The following EXOC4 variants were observed in gnomAD, a reference collection of about 807,000 sequenced individuals.
EXOC4 encodes the protein SEC8-like 1.
A neutral mutation model predicts 107.2 loss-of-function variants in EXOC4; 71 were observed. The ratio of observed to expected loss-of-function variants is 0.66; its 90% confidence interval spans 0.55 to 0.81. The LOEUF (loss-of-function observed/expected upper bound fraction) is 0.81. Among genes scored for constraint, EXOC4 ranks in the 30% least tolerant of loss-of-function variants. The probability of loss-of-function intolerance (pLI) is 0.00; values close to 1 mark genes in which losing one functional copy is unlikely to be tolerated. For missense variants in EXOC4, 1,108 were observed against 1,189.6 expected (o/e 0.93, Z 1.01); for synonymous variants, 456 against 441.2 (o/e 1.03, Z -0.42).
chr7:133,773,301 C>T (rs1796281611), intron 10 of EXOC4, among the ~76,000 whole-genome samples: 1 of 151,956 alleles, frequency 6.6e-6, no homozygotes, highest in Admixed American at 6.6e-5. Flanking sequence ...CCCAAACATG[C>T]TTCCCAAACA....
rs371478532 is a variant in EXOC4, at chr7:133,399,295, CCTCT to C, written c.1182+24296_1182+24299del. 2.2e-3 allele frequency among the ~76,000 whole-genome samples: 342 copies of C among 152,268 alleles called. 3 individuals carry two copies. Among genetic ancestry groups the C allele is most frequent in the African/African-American group, 7.8e-3 (326 of 41,544 alleles). ...TATATATCTTTGATTTTCTTCTTCT[CCTCT>C]CTGTTTATTTTGTATTTTTTATTCA... On this transcript the variant is annotated intron_variant, in intron 7 of 17. Coordinates refer to ENST00000253861, the MANE Select transcript of EXOC4 (RefSeq NM_021807.4).
At chr7:133,487,822 A>G (rs1335845171) in intron 9 of EXOC4, among the ~76,000 whole-genome samples, 3 of 152,192 alleles carry the variant, frequency 2.0e-5, no homozygotes, top group African/African-American at 4.8e-5. Flanking sequence ...CTTATATCTC[A>G]TATTTTCAAT....
chr7:133,829,258 C>A (rs532340566), intron 11 of EXOC4, among the ~76,000 whole-genome samples: 4 of 152,286 alleles, frequency 2.6e-5, no homozygotes, highest in Non-Finnish European at 5.9e-5. Context: ...AGGTCTCAAA[C>A]TGAACACACC....
intron 9 of EXOC4, among the ~76,000 whole-genome samples, chr7:133,541,387 ACTTGGGAATAACGATGCATGATTTCTC>A (rs1250737793): frequency 6.6e-6 from 1 of 152,194 alleles, no homozygotes; most frequent in East Asian, 1.9e-4. Context: ...GGCTGTAAAC[ACTTGGGAATAACGATGCATGATTTCTC>A]CTTAAATAGT....
Position 133,512,128 on chromosome 7 carries a change from G to A in EXOC4, c.1417+31990G>A, listed in dbSNP as rs147647461. Among the ~76,000 whole-genome samples the A allele has an allele frequency of 6.0e-3, 915 of 152,272 alleles. 9 individuals are homozygous for A. Among genetic ancestry groups the A allele is most frequent in the African/African-American group, 0.02 (847 of 41,566 alleles). The stretch of plus-strand genomic sequence containing the variant: ...TTGTGATAACTGCTGTGAAAGGAAC[G>A]TATAGAGTGCTTTGAAAATGCCCTG... On this transcript the variant is annotated intron_variant, in intron 9 of 17. Transcript: ENST00000253861.
chr7:133,459,094 G>A (rs1421328355), intron 7 of EXOC4, among the ~76,000 whole-genome samples: 2 of 152,182 alleles, frequency 1.3e-5, no homozygotes, highest in Admixed American at 6.5e-5. Context: ...TCTGTAGCAG[G>A]ATGTCTTAAG....
At chr7:133,842,374 T>C (rs1798040497) in intron 11 of EXOC4, among the ~76,000 whole-genome samples, 1 of 152,208 alleles carries the variant, frequency 6.6e-6, no homozygotes, top group African/African-American at 2.4e-5. Flanking sequence ...TCACTGTGAT[T>C]TTGATTTGCT....
At chr7:133,509,826 T>G (rs1037228407) in intron 9 of EXOC4, among the ~76,000 whole-genome samples, 3 of 152,208 alleles carry the variant, frequency 2.0e-5, no homozygotes, top group Admixed American at 6.5e-5. Flanking sequence ...ACCTACGAGG[T>G]GTTTTCACAG....
chr7:133,788,484 G>C (rs899660804), intron 10 of EXOC4, among the ~76,000 whole-genome samples: 1 of 151,714 alleles, frequency 6.6e-6, no homozygotes, highest in Admixed American at 6.6e-5. Context: ...TTTATGTCAT[G>C]CTCAAAACTT....
At chr7:133,895,425 G>C (rs1048231455) in intron 11 of EXOC4, among the ~76,000 whole-genome samples, 174 bp from the exon 12 acceptor site, 2 of 152,190 alleles carry the variant, frequency 1.3e-5, no homozygotes, top group Non-Finnish European at 2.9e-5. Context: ...GACCAGAGCT[G>C]TTCCTATTCG....
chr7:133,809,521 C>T (rs1459441401), intron 10 of EXOC4, among the ~76,000 whole-genome samples: 2 of 152,132 alleles, frequency 1.3e-5, no homozygotes, highest in African/African-American at 4.8e-5. Flanking sequence ...GATGGTACAT[C>T]TCTGCAGAGT....
At chr7:133,847,177 A>G (rs372939879) in intron 11 of EXOC4, among the ~76,000 whole-genome samples, 4 of 152,086 alleles carry the variant, frequency 2.6e-5, no homozygotes, top group Non-Finnish European at 4.4e-5. Flanking sequence ...TCTTCTGGCT[A>G]TTTTGCCATA....
At chr7:133,851,015 C>T (rs988646503) in intron 11 of EXOC4, among the ~76,000 whole-genome samples, 1 of 152,184 alleles carries the variant, frequency 6.6e-6, no homozygotes, top group Non-Finnish European at 1.5e-5. Flanking sequence ...TTACTTTCCC[C>T]TGGAAAATGT....
chr7:133,970,364 C>T (rs1381734195), intron 14 of EXOC4, among the ~76,000 whole-genome samples: 5 of 151,768 alleles, frequency 3.3e-5, no homozygotes, highest in South Asian at 2.1e-4. Context: ...GGTTCTGTCT[C>T]GCTGGCATTC....
intron 10 of EXOC4, among the ~76,000 whole-genome samples, chr7:133,705,942 C>G (rs757177159): frequency 3.3e-5 from 5 of 152,190 alleles, no homozygotes; most frequent in Non-Finnish European, 7.4e-5. Flanking sequence ...GAAAGCAAAA[C>G]TGTAGATAAG....
At chr7:133,792,369 GT>G (rs1257570735) in intron 10 of EXOC4, among the ~76,000 whole-genome samples, 1 of 151,992 alleles carries the variant, frequency 6.6e-6, no homozygotes, top group African/African-American at 2.4e-5. Context: ...CCTGAGCAAT[GT>G]AGTGAGACCT....
At chr7:133,547,482 C>G (rs1435224386) in intron 9 of EXOC4, among the ~76,000 whole-genome samples, 1 of 152,144 alleles carries the variant, frequency 6.6e-6, no homozygotes, top group Admixed American at 6.5e-5. Flanking sequence ...TGGATTGACT[C>G]TTCCTCTTAT....
chr7:133,953,769 G>C (rs907605134), intron 14 of EXOC4, among the ~76,000 whole-genome samples: 1 of 152,194 alleles, frequency 6.6e-6, no homozygotes, highest in African/African-American at 2.4e-5. Flanking sequence ...TAGATCAGCT[G>C]TTTACAATGT....
At chr7:133,318,874 T>C (rs1795047697) in intron 5 of EXOC4, among the ~76,000 whole-genome samples, 1 of 152,242 alleles carries the variant, frequency 6.6e-6, no homozygotes, top group African/African-American at 2.4e-5. Flanking sequence ...ATTATGATAC[T>C]TTACAATAGT....
Sources: allele counts gnomAD v4.1 joint callset (sites outside exome capture counted in the v4.1 genomes callset), GRCh38; gene constraint gnomAD v4.1.1; transcripts MANE v1.5; gene names NCBI Gene and HGNC (gene_info 2026-07-23, HGNC 2026-07-21).